ITPR1: variants seen among roughly 807,000 people sequenced by gnomAD.
ITPR1 encodes the protein inositol 1,4,5-trisphosphate-gated calcium channel ITPR1.
Under a neutral mutation model 318.4 loss-of-function variants are expected in ITPR1, and 96 were observed. The observed-to-expected ratio is 0.30, with a 90% CI of 0.26 to 0.36. The LOEUF is 0.36. Ranked by LOEUF, ITPR1 falls within the 10% of genes least tolerant of loss-of-function variation. The probability of loss-of-function intolerance (pLI) is 1.00; values close to 1 mark genes in which losing one functional copy is unlikely to be tolerated. For synonymous variants in ITPR1, 1,312 were observed against 1,289.9 expected, an observed-to-expected ratio of 1.02 and a Z score of -0.37; for missense variants, 2,440 against 3,460.2, an observed-to-expected ratio of 0.71 and a Z score of 7.40.
intron 2 of ITPR1, among the ~76,000 whole-genome samples, chr3:4,497,738 C>T (rs930939288): frequency 4.6e-5 from 7 of 152,206 alleles, no homozygotes; most frequent in Non-Finnish European, 8.8e-5. Flanking sequence ...AAAGTAGGGA[C>T]GTGAGCAGAT....
At chr3:4,714,865 C>T (rs1292696123) in intron 39 of ITPR1, among the ~76,000 whole-genome samples, 1 of 152,132 alleles carries the variant, frequency 6.6e-6, no homozygotes, top group East Asian at 1.9e-4. Context: ...GAAGAACTGT[C>T]ACCCATATTA....
chr3:4,841,422 C>G (rs1051729062), intron 61 of ITPR1, among the ~76,000 whole-genome samples: 1 of 152,218 alleles, frequency 6.6e-6, no homozygotes, highest in African/African-American at 2.4e-5. Flanking sequence ...AAATGCATGG[C>G]ATGCTCAAGG....
At chr3:4,522,663 G>C (rs1559379950) in intron 4 of ITPR1, among the ~76,000 whole-genome samples, 1 of 152,182 alleles carries the variant, frequency 6.6e-6, no homozygotes, top group Non-Finnish European at 1.5e-5. Context: ...AAAATCTTGA[G>C]TGCTGCAAAA....
intron 44 of ITPR1, among the ~76,000 whole-genome samples, chr3:4,761,417 C>T (rs1455123650): frequency 6.6e-6 from 1 of 152,210 alleles, no homozygotes; most frequent in Non-Finnish European, 1.5e-5. Context: ...CAGCTGCATC[C>T]ATTTTGCTGC....
chr3:4,814,149 T>C, intron 57 of ITPR1: 1 of 433,498 alleles, frequency 2.3e-6, no homozygotes, highest in Non-Finnish European at 4.3e-6. Flanking sequence ...GGGTCTGGGG[T>C]TTAAAACCTG....
At chr3:4,563,129 G>T (rs1271411543) in intron 4 of ITPR1, among the ~76,000 whole-genome samples, 1 of 152,174 alleles carries the variant, frequency 6.6e-6, no homozygotes, top group African/African-American at 2.4e-5. Flanking sequence ...TACGTGCAGT[G>T]TTGGAGAAAC....
At chr3:4,517,170 T>A (rs2082230296) in intron 3 of ITPR1, among the ~76,000 whole-genome samples, 2 of 152,248 alleles carry the variant, frequency 1.3e-5, no homozygotes, top group South Asian at 4.1e-4. Flanking sequence ...ATATATTTCA[T>A]AATGTACTCA....
At chr3:4,677,567 A>G (rs933795039) in intron 24 of ITPR1, among the ~76,000 whole-genome samples, 1 of 152,168 alleles carries the variant, frequency 6.6e-6, no homozygotes, top group African/African-American at 2.4e-5. Context: ...AAGAGGGCAC[A>G]TTTGGGAACA....
intron 4 of ITPR1, among the ~76,000 whole-genome samples, chr3:4,578,371 G>A (rs1004080249): frequency 2.0e-5 from 3 of 152,044 alleles, no homozygotes; most frequent in South Asian, 4.1e-4. Context: ...GGAGCGGTTC[G>A]GTTTGACCTG....
intron 44 of ITPR1, among the ~76,000 whole-genome samples, chr3:4,748,225 C>G (rs934654796): frequency 1.2e-4 from 19 of 152,310 alleles, no homozygotes; most frequent in African/African-American, 3.6e-4. Context: ...TTCTCCCATG[C>G]TAGCCAGCCT....
At chr3:4,572,500 A>G (rs12492889) in intron 4 of ITPR1, among the ~76,000 whole-genome samples, 41,313 of 152,186 alleles carry the variant, frequency 0.27, 6,923 homozygotes, top group Middle Eastern at 0.38. Flanking sequence ...TAGATCTTTA[A>G]TGTCTGGCTA....
chr3:4,717,494 A>C, intron 40 of ITPR1, 95 bp downstream of exon 40: 1 of 989,118 alleles, frequency 1.0e-6, no homozygotes, highest in Non-Finnish European at 1.6e-6. Context: ...CTAGTCTCAC[A>C]GCGTCGAGTA....
chr3:4,800,480 G>T lies in ITPR1; in HGVS notation c.6987G>T (p.Leu2329=). 6.2e-7 allele frequency: 1 copy of T among 1,614,010 alleles called. No homozygotes were observed. The highest frequency in any genetic ancestry group is 8.5e-7 in the Non-Finnish European group (1 of 1,179,886). The change falls in exon 54 of 62, where the codon CTG becomes CTT. Residue 2329 remains leucine (L), a synonymous_variant. Transcript: ENST00000649015. ...GLLWTAMLIS[L]AIVIALPKPH... ...TGTGGACAGCCATGCTCATCTCTCT[G>T]GCCATCGTCATTGCCCTCCCCAAGC...
intron 4 of ITPR1, among the ~76,000 whole-genome samples, chr3:4,593,835 A>G (rs1312917333): frequency 2.0e-5 from 3 of 152,200 alleles, no homozygotes; most frequent in Non-Finnish European, 4.4e-5. Context: ...GGAAATGTGA[A>G]TTGAGGCCTA....
chr3:4,636,621 G>A (rs771179975), intron 5 of ITPR1, among the ~76,000 whole-genome samples: 9 of 152,116 alleles, frequency 5.9e-5, no homozygotes, highest in South Asian at 2.1e-4. Context: ...TAGAGACAGC[G>A]TTTCACCATG....
chr3:4,538,502 C>T (rs1243585581), intron 4 of ITPR1, among the ~76,000 whole-genome samples: 2 of 152,152 alleles, frequency 1.3e-5, no homozygotes, highest in Admixed American at 6.5e-5. Context: ...TCCTCAAAGA[C>T]CTAGAATCAG....
chr3:4,635,016 T>A (rs1241010649), intron 5 of ITPR1, among the ~76,000 whole-genome samples: 1 of 152,254 alleles, frequency 6.6e-6, no homozygotes, highest in Non-Finnish European at 1.5e-5. Context: ...GTGCTAGGAT[T>A]ACAGGCGTGA....
At chr3:4,846,003 T>G (rs1490597485) in intron 61 of ITPR1, 136 bp from the exon 62 acceptor site, 1 of 510,300 alleles carries the variant, frequency 2.0e-6, no homozygotes. Context: ...GTGTGTTTGA[T>G]ATAGCGATGG....
At chr3:4,654,572 C>G (rs1030834433) in intron 12 of ITPR1, among the ~76,000 whole-genome samples, 3 of 152,144 alleles carry the variant, frequency 2.0e-5, no homozygotes, top group Non-Finnish European at 4.4e-5. Flanking sequence ...AGACAGTTTT[C>G]TTGTGGAGTG....
Sources: allele counts gnomAD v4.1 joint callset (sites outside exome capture counted in the v4.1 genomes callset), GRCh38; gene constraint gnomAD v4.1.1; transcripts MANE v1.5; gene names NCBI Gene and HGNC (gene_info 2026-07-23, HGNC 2026-07-21).